The following BRSK2 variants were observed in gnomAD, a reference collection of about 807,000 sequenced individuals.
BRSK2 encodes the protein serine/threonine-protein kinase BRSK2.
A neutral mutation model predicts 83.3 loss-of-function variants in BRSK2; 19 were observed. That is an observed-to-expected ratio of 0.23 (90% CI 0.16 to 0.33). The LOEUF is 0.33. BRSK2 is among the 10% of genes least tolerant of loss of function. The pLI is 1.00. For synonymous variants in BRSK2, 519 were observed against 435.4 expected (o/e 1.19, Z -2.39); for missense variants, 798 against 1,042.3 (o/e 0.77, Z 3.23).
In BRSK2 at chr11:1,392,347, T is replaced by C. The variant is rs117087030; in HGVS notation, c.91+1972T>C. Reference sequence around the variant, plus strand: ...TCCTGCCGTTGAGAACGCTTCTCCTTCCAGGGACCTGGCCACAGGGGAGCT... The same window carrying C: ...TCCTGCCGTTGAGAACGCTTCTCCTCCCAGGGACCTGGCCACAGGGGAGCT... On this transcript the variant is annotated intron_variant, in intron 1 of 19. Coordinates refer to ENST00000528841, the MANE Select transcript of BRSK2 (RefSeq NM_001256627.2). Among the ~76,000 whole-genome samples the C allele has an allele frequency of 0.03, 4,537 of 152,310 alleles. 499 individuals are homozygous for C. The East Asian group carries it at 0.37, about 12-fold the overall frequency.
intron 18 of BRSK2, among the ~76,000 whole-genome samples, chr11:1,458,891 A>ATG (rs1847009132): frequency 6.6e-6 from 1 of 152,120 alleles, no homozygotes; most frequent in African/African-American, 2.4e-5. Flanking sequence ...AGGCCCACCC[A>ATG]GGGCACCGGC....
chr11:1,395,684 A>G (rs1846030216), intron 1 of BRSK2, among the ~76,000 whole-genome samples: 1 of 152,196 alleles, frequency 6.6e-6, no homozygotes. Context: ...CAATGGCTGG[A>G]AAAGACACGC....
intron 1 of BRSK2, among the ~76,000 whole-genome samples, chr11:1,414,077 A>G (rs1165233945): frequency 6.6e-6 from 1 of 152,264 alleles, no homozygotes; most frequent in African/African-American, 2.4e-5. Flanking sequence ...ACAATTGTTC[A>G]TTAATTTAAA....
chr11:1,394,896 CTGGAGATGGGCCA>C (rs1278435395), intron 1 of BRSK2, among the ~76,000 whole-genome samples: 2 of 123,426 alleles, frequency 1.6e-5, no homozygotes, highest in Non-Finnish European at 3.4e-5. Context: ...GAGATGGGTC[CTGGAGATGGGCCA>C]TGGAGATGGG....
chr11:1,405,683 G>A (rs542571581), intron 1 of BRSK2, among the ~76,000 whole-genome samples: 62 of 152,272 alleles, frequency 4.1e-4, no homozygotes, highest in African/African-American at 1.5e-3. Context: ...GGTTGAGCCA[G>A]GAAGATGGGG....
rs1845649679 is a variant in BRSK2 at position 1,390,432 on chromosome 11, G to C, written c.91+57G>C. On this transcript the variant is annotated intron_variant, in intron 1 of 19. Transcript: ENST00000528841. The surrounding 1 kb of genome is among the most constrained non-coding windows in gnomAD (Gnocchi z 6.8). ...GGGAGGCCGCGCTGGCAGCGCGCTG[G>C]GTGGGGGGCGCCCGAGGGAGGCCCC... 1.0e-6 allele frequency: 1 copy of C among 961,144 alleles called. No individual in the cohort carries two copies. The highest frequency in any genetic ancestry group is 1.2e-6 in the Non-Finnish European group (1 of 801,302). 59.5% of individuals were successfully genotyped at this position (961,144 alleles called of 1,614,324 possible).
In BRSK2 at chr11:1,423,600, T is replaced by C. The variant is rs1208786826; in HGVS notation, c.92-12440T>C. 2.0e-5 allele frequency among the ~76,000 whole-genome samples: 3 copies of C among 152,156 alleles called. No individual in the cohort carries two copies. The highest frequency in any genetic ancestry group is 4.4e-5 in the Non-Finnish European group (3 of 68,008). On this transcript the variant is annotated intron_variant, in intron 1 of 19. Transcript: ENST00000528841. The surrounding 1 kb of genome is among the most constrained non-coding windows in gnomAD (Gnocchi z 6.5). ...AGCAGAGACGTGCTCTTTCACATTC[T>C]GGAGGCGGGAAGTCCAAGGTCCAGG...
At chr11:1,398,561 GC>G (rs1370948497) in intron 1 of BRSK2, among the ~76,000 whole-genome samples, 1 of 152,170 alleles carries the variant, frequency 6.6e-6, no homozygotes, top group African/African-American at 2.4e-5. Context: ...TCATTCAGCT[GC>G]CCCCTGTGCA....
Position 1,423,537 on chromosome 11 carries a change from G to C in BRSK2, c.92-12503G>C, listed in dbSNP as rs965292288. On this transcript the variant is annotated intron_variant, in intron 1 of 19. Transcript: ENST00000528841. The surrounding 1 kb of genome is among the most constrained non-coding windows in gnomAD (Gnocchi z 6.5). Reference sequence around the variant, plus strand: ...GTCGTGTGAGCAGAGGACGGCACTCGCGAGCTCCCTGGGGCTCCTCAGACC... The same window carrying C: ...GTCGTGTGAGCAGAGGACGGCACTCCCGAGCTCCCTGGGGCTCCTCAGACC... 5.3e-5 allele frequency among the ~76,000 whole-genome samples: 8 copies of C among 152,098 alleles called. No homozygotes were observed. Among genetic ancestry groups the C allele is most frequent in the African/African-American group, 1.9e-4 (8 of 41,400 alleles).
Position 1,440,776 on chromosome 11 carries a change from C to G in BRSK2, c.273-12C>G, listed in dbSNP as rs76833658. 3 of 1,557,614 alleles carry G rather than the reference C, an allele frequency of 1.9e-6. No individual in the cohort carries two copies. The highest frequency in any genetic ancestry group is 2.4e-5 in the East Asian group (1 of 41,800). On this transcript the variant is annotated splice_polypyrimidine_tract_variant and intron_variant, in intron 3 of 19. Transcript: ENST00000528841. ...CCACAGCTGGGCGCACTGGTGGCCC[C>G]GTCTCCTGCAGGTACCTGGTGCTAG... is the stretch of plus-strand genomic sequence containing the variant.
intron 1 of BRSK2, among the ~76,000 whole-genome samples, chr11:1,394,331 A>C (rs1477121274): frequency 1.2e-5 from 1 of 84,032 alleles, no homozygotes; most frequent in Non-Finnish European, 2.3e-5. Flanking sequence ...GAGATGGGCC[A>C]TGGAGATGGG....
chr11:1,458,538 C>A (rs974354246), intron 18 of BRSK2, among the ~76,000 whole-genome samples: 3 of 152,166 alleles, frequency 2.0e-5, no homozygotes, highest in Non-Finnish European at 4.4e-5. Context: ...CAGCAGGGGG[C>A]CTCCTCAGAC....
intron 9 of BRSK2, 71 bp downstream of exon 9, chr11:1,445,073 G>A (rs955092437): frequency 1.3e-6 from 2 of 1,576,584 alleles, no homozygotes; most frequent in Non-Finnish European, 1.7e-6. Context: ...TGCTAGGAAA[G>A]GCGGGGGGAG....
chr11:1,412,528 C>G (rs1217628579), intron 1 of BRSK2, among the ~76,000 whole-genome samples: 1 of 152,082 alleles, frequency 6.6e-6, no homozygotes, highest in Non-Finnish European at 1.5e-5. Flanking sequence ...AGCTGTGCTG[C>G]TCTGTCCTCT....
intron 1 of BRSK2, among the ~76,000 whole-genome samples, chr11:1,415,094 C>CTT (rs34102200): frequency 0.24 from 30,519 of 128,420 alleles, 4,046 homozygotes; most frequent in Middle Eastern, 0.38. Context: ...CTGTCTTTAC[C>CTT]TTTTTTTTTT....
At chr11:1,426,240 C>G (rs1429305168) in intron 1 of BRSK2, among the ~76,000 whole-genome samples, 1 of 95,238 alleles carries the variant, frequency 1.0e-5, no homozygotes, top group Non-Finnish European at 2.1e-5. Context: ...GGGGCGTGCT[C>G]CGGGGATGTG....
intron 1 of BRSK2, among the ~76,000 whole-genome samples, chr11:1,411,891 AGCTCTGCCCCCTGT>A (rs948227890): frequency 2.0e-5 from 3 of 152,210 alleles, no homozygotes; most frequent in Middle Eastern, 3.4e-3. Context: ...TCCCAAAAAG[AGCTCTGCCCCCTGT>A]GCTGCCCCAT....
At chr11:1,408,658 C>T (rs7924715) in intron 1 of BRSK2, among the ~76,000 whole-genome samples, 37,605 of 152,136 alleles carry the variant, frequency 0.25, 4,978 homozygotes, top group African/African-American at 0.31. Flanking sequence ...CACGTCGGAA[C>T]CCTCCCCGCT....
intron 1 of BRSK2, among the ~76,000 whole-genome samples, chr11:1,406,752 G>A (rs1010757549): frequency 1.3e-5 from 2 of 152,194 alleles, no homozygotes; most frequent in Admixed American, 1.3e-4. Flanking sequence ...CTGTCGCTGG[G>A]CCACATCCCA....
Sources: gnomAD v4.1 joint callset for allele counts (sites outside exome capture counted in the v4.1 genomes callset) on GRCh38, gnomAD v4.1.1 for gene constraint, Gnocchi (gnomAD v3.1) non-coding constraint, MANE v1.5 for transcripts, NCBI Gene and HGNC (gene_info 2026-07-23, HGNC 2026-07-21) for gene names.